The following CRACD variants were observed in gnomAD, a reference collection of about 807,000 sequenced individuals.
CRACD encodes capping protein inhibiting regulator of actin dynamics.
Under a neutral mutation model 106.8 loss-of-function variants are expected in CRACD, and 56 were observed. The ratio of observed to expected loss-of-function variants is 0.52; its 90% confidence interval spans 0.42 to 0.66. The LOEUF (loss-of-function observed/expected upper bound fraction) is 0.66. Ranked by LOEUF, CRACD falls within the 30% of genes least tolerant of loss-of-function variation. CRACD has a pLI of 0.00. For synonymous variants in CRACD, 754 were observed against 670.8 expected (o/e 1.12, Z -1.92); for missense variants, 1,730 against 1,623.2 (o/e 1.07, Z -1.13).
intron 1 of CRACD, among the ~76,000 whole-genome samples, chr4:56,080,394 C>A (rs756543441): frequency 6.6e-6 from 1 of 152,118 alleles, no homozygotes; most frequent in African/African-American, 2.4e-5. Context: ...TATAGGCAAC[C>A]AAGTACACAC....
At chr4:56,079,932 A>T (rs796767247) in intron 1 of CRACD, among the ~76,000 whole-genome samples, 2 of 152,238 alleles carry the variant, frequency 1.3e-5, no homozygotes, top group African/African-American at 4.8e-5. Context: ...TTGAGGGGGG[A>T]TATATGTGAC....
chr4:56,236,337 AC>A (rs1179795755), intron 2 of CRACD, among the ~76,000 whole-genome samples: 1 of 152,212 alleles, frequency 6.6e-6, no homozygotes, highest in African/African-American at 2.4e-5. Context: ...CAGAGGGAAC[AC>A]GGCCTTGATC....
intron 8 of CRACD, 148 bp from the exon 9 acceptor site, chr4:56,323,229 C>A: frequency 3.4e-6 from 2 of 591,218 alleles, no homozygotes; most frequent in African/African-American, 2.0e-5. Context: ...TGGAGCCACT[C>A]AGGCATCAGC....
intron 2 of CRACD, among the ~76,000 whole-genome samples, chr4:56,262,580 A>G (rs1345902475): frequency 6.6e-6 from 1 of 152,180 alleles, no homozygotes; most frequent in African/African-American, 2.4e-5. Context: ...GGCCCAAGGC[A>G]GTTCTTCTTC....
rs117813338 is a variant in CRACD at position 56,277,246 on chromosome 4, A to T, written c.-17+4754A>T. Among the ~76,000 whole-genome samples, 63 of 152,310 alleles carry T rather than the reference A, an allele frequency of 4.1e-4. No individual in the cohort carries two copies. In the East Asian group the frequency reaches 0.012, roughly 28 times the overall value. ...ATAGACACAAAAATCCTTAAGAAAAAACTAGTAGCCTGAATCCAACAACAT... is the reference window on the plus strand; with the variant it reads ...ATAGACACAAAAATCCTTAAGAAAATACTAGTAGCCTGAATCCAACAACAT... On this transcript the variant is annotated intron_variant, in intron 3 of 10. Coordinates refer to ENST00000682029, the MANE Select transcript of CRACD (RefSeq NM_001393381.1).
At chr4:56,230,523 A>G (rs1463053663) in intron 2 of CRACD, among the ~76,000 whole-genome samples, 1 of 152,212 alleles carries the variant, frequency 6.6e-6, no homozygotes, top group African/African-American at 2.4e-5. Flanking sequence ...CAGAAGGTCT[A>G]GTTCTGCGCT....
In CRACD at chr4:56,314,993, G is replaced by A. The variant is rs781581585; in HGVS notation, c.1491G>A (p.Pro497=). Residue 497 remains proline (P), a synonymous_variant, in exon 8 of 11, where the codon CCG becomes CCA. Transcript: ENST00000682029. This position sits in a 1 kb window ranked among gnomAD's most constrained non-coding sequence, Gnocchi z 4.4. ...AGCCTCTCCTGAAACAAGAGGGGCC[G>A]GTGGAAGCCGCGCAGCCTCCGGTGG... ...DTEPLLKQEG[P]VEAAQPPVER... is the part of the protein sequence containing the mutation. 3 of 1,586,172 alleles carry A rather than the reference G, an allele frequency of 1.9e-6. No individual in the cohort carries two copies. The highest frequency in any genetic ancestry group is 1.8e-5 in the Admixed American group (1 of 54,232).
At chr4:56,301,158 A>ATT in intron 4 of CRACD, 15 of 989,984 alleles carry the variant, frequency 1.5e-5, no homozygotes, top group Admixed American at 2.8e-5. Context: ...AGAAAATGTG[A>ATT]TTTTTTTTTT....
intron 1 of CRACD, among the ~76,000 whole-genome samples, chr4:56,123,573 C>T (rs1734561025): frequency 6.6e-6 from 1 of 152,168 alleles, no homozygotes; most frequent in Non-Finnish European, 1.5e-5. Flanking sequence ...AAATCAATTT[C>T]AGAGGAGACA....
chr4:56,196,313 A>G (rs193053798), intron 2 of CRACD: 1 of 152,876 alleles, frequency 6.5e-6, no homozygotes, highest in Non-Finnish European at 1.5e-5. Flanking sequence ...CTTTGTGCTC[A>G]TAGATTTGCA....
intron 2 of CRACD, among the ~76,000 whole-genome samples, chr4:56,209,217 T>C (rs1464746689): frequency 1.3e-5 from 2 of 152,164 alleles, no homozygotes; most frequent in African/African-American, 2.4e-5. Flanking sequence ...ATTAAAAATT[T>C]TTTCAACTTT....
At chr4:56,295,660 CATAT>C (rs57635563) in intron 3 of CRACD, among the ~76,000 whole-genome samples, 231 of 108,868 alleles carry the variant, frequency 2.1e-3, no homozygotes, top group East Asian at 3.7e-3. Context: ...AATTAGTAAA[CATAT>C]ATATATATAT....
At chr4:56,118,269 C>G (rs1230538301) in intron 1 of CRACD, among the ~76,000 whole-genome samples, 2 of 152,154 alleles carry the variant, frequency 1.3e-5, no homozygotes, top group Admixed American at 1.3e-4. Context: ...CCAAAGGCTC[C>G]GTTTCCCCAC....
chr4:56,232,327 G>A (rs1022154097), intron 2 of CRACD, among the ~76,000 whole-genome samples: 1 of 151,692 alleles, frequency 6.6e-6, no homozygotes, highest in Non-Finnish European at 1.5e-5. Context: ...CCTTTTTATT[G>A]CCAAGTTAAT....
chr4:56,314,625 C>T lies in CRACD; in HGVS notation c.1123C>T (p.Gln375Ter). The T allele has an allele frequency of 6.5e-7, 1 of 1,537,622 alleles. No homozygotes were observed. Among genetic ancestry groups the T allele is most frequent in the Non-Finnish European group, 8.8e-7 (1 of 1,140,588 alleles). Reference protein sequence around the residue: ...EAEGWEELEQQEAEVQGPPEA... With the variant: ...EAEGWEELEQ ...TGAGGGATGGGAAGAGCTGGAACAG[C>T]AGGAGGCGGAGGTGCAGGGGCCGCC... Residue 375 changes from glutamine (Q) to a stop codon, truncating the protein, a stop_gained, in exon 8 of 11, where the codon CAG becomes TAG. Coordinates refer to ENST00000682029, the MANE Select transcript of CRACD (RefSeq NM_001393381.1). LOFTEE classifies it high-confidence loss of function. This position sits in a 1 kb window ranked among gnomAD's most constrained non-coding sequence, Gnocchi z 4.4.
rs1025877960 is a variant in CRACD, at chr4:56,071,880, C to T, written c.-336+22581C>T. On this transcript the variant is annotated intron_variant, in intron 1 of 10. Transcript: ENST00000682029. The stretch of plus-strand genomic sequence containing the variant: ...CGGTGGCTCACGCCTGTAATCCCAG[C>T]ACTTTGGGAGGCCGAGGCGGGCGGA... Among the ~76,000 whole-genome samples the T allele has an allele frequency of 1.4e-3, 213 of 151,862 alleles. 1 individual carries two copies. The highest frequency in any genetic ancestry group is 9.7e-4 in the Non-Finnish European group (66 of 67,928).
chr4:56,298,556 A>G (rs993861005), intron 4 of CRACD, among the ~76,000 whole-genome samples: 14 of 152,214 alleles, frequency 9.2e-5, no homozygotes, highest in African/African-American at 2.9e-4. Context: ...CACTGCAGCC[A>G]TCTGCATGAC....
At chr4:56,317,646 C>T (rs1009645354) in intron 8 of CRACD, among the ~76,000 whole-genome samples, 1 of 152,114 alleles carries the variant, frequency 6.6e-6, no homozygotes, top group African/African-American at 2.4e-5. Context: ...GTTTAGGGGA[C>T]TTTAGGTGTC....
chr4:56,205,556 A>G (rs770869813), intron 2 of CRACD, among the ~76,000 whole-genome samples: 1 of 152,108 alleles, frequency 6.6e-6, no homozygotes, highest in African/African-American at 2.4e-5. Flanking sequence ...ACAAACATGC[A>G]TATATGTGTG....
Sources: allele counts gnomAD v4.1 joint callset (sites outside exome capture counted in the v4.1 genomes callset), GRCh38; gene constraint gnomAD v4.1.1; non-coding constraint Gnocchi (gnomAD v3.1); transcripts MANE v1.5; gene names NCBI Gene and HGNC (gene_info 2026-07-23, HGNC 2026-07-21).